The following CSMD2 variants were observed in gnomAD, a reference collection of about 807,000 sequenced individuals.
CSMD2 encodes the protein CUB and Sushi multiple domains 2, also known as CUB and sushi domain-containing protein 2.
In CSMD2, 130 loss-of-function variants were observed where a neutral mutation model predicts 398.5. That is an observed-to-expected ratio of 0.33 (90% confidence interval 0.28 to 0.38). The LOEUF is 0.38. CSMD2 is among the 10% of genes least tolerant of loss of function. The pLI, the probability that CSMD2 is intolerant of heterozygous loss-of-function variation, is 1.00. For synonymous variants in CSMD2, 1,828 were observed against 1,908.5 expected (o/e 0.96, Z 1.10); for missense variants, 3,829 against 4,764.9 (o/e 0.80, Z 5.78).
At chr1:33,870,898 A>G (rs976864069) in intron 5 of CSMD2, 3 of 152,156 alleles carry the variant, frequency 2.0e-5, no homozygotes, top group Non-Finnish European at 2.9e-5. Context: ...AAGCTGCCCT[A>G]TGGAGAGGCT....
At chr1:33,611,869 C>A (rs1258059507) in intron 40 of CSMD2, among the ~76,000 whole-genome samples, 1 of 152,080 alleles carries the variant, frequency 6.6e-6, no homozygotes, top group Admixed American at 6.5e-5. Context: ...AAGGTGGGAA[C>A]ATTTATGTTT....
intron 44 of CSMD2, 90 bp downstream of exon 44, chr1:33,600,775 A>T: frequency 7.3e-7 from 1 of 1,370,618 alleles, no homozygotes; most frequent in Non-Finnish European, 1.0e-6. Context: ...ACTCAAGGTC[A>T]CATGATCCGC....
intron 5 of CSMD2, among the ~76,000 whole-genome samples, chr1:33,878,845 G>T (rs1016282594): frequency 6.6e-6 from 1 of 152,236 alleles, no homozygotes; most frequent in Admixed American, 6.5e-5. Context: ...TGGGGAGGGG[G>T]ACAGGGTGCT....
At chr1:33,551,620 T>C (rs934683771) in intron 55 of CSMD2, among the ~76,000 whole-genome samples, 25 of 152,232 alleles carry the variant, frequency 1.6e-4, no homozygotes, top group African/African-American at 6.0e-4. Context: ...GTCTTAGGTA[T>C]CTTCACTTCT....
chr1:34,108,103 T>A (rs903863031), intron 1 of CSMD2, among the ~76,000 whole-genome samples: 2 of 152,230 alleles, frequency 1.3e-5, no homozygotes, highest in African/African-American at 4.8e-5. Context: ...TTCTTTTTTC[T>A]TTTCATTTGT....
At chr1:34,155,217 T>C (rs952008769) in intron 1 of CSMD2, among the ~76,000 whole-genome samples, 1 of 152,196 alleles carries the variant, frequency 6.6e-6, no homozygotes, top group Non-Finnish European at 1.5e-5. Context: ...GTTACCCACC[T>C]GAGACTTGGT....
At chr1:33,851,041 G>T (rs2125089307) in intron 5 of CSMD2, among the ~76,000 whole-genome samples, 1 of 152,302 alleles carries the variant, frequency 6.6e-6, no homozygotes, top group Admixed American at 6.5e-5. Context: ...GCAAGGAATT[G>T]CTGCCTAATT....
At chr1:33,815,853 A>T (rs1419043077) in intron 9 of CSMD2, among the ~76,000 whole-genome samples, 2 of 152,244 alleles carry the variant, frequency 1.3e-5, no homozygotes, top group Non-Finnish European at 2.9e-5. Flanking sequence ...GTACTCTAGT[A>T]CAATCAGTAT....
chr1:33,718,930 T>C (rs368484309), intron 19 of CSMD2, among the ~76,000 whole-genome samples: 1 of 152,318 alleles, frequency 6.6e-6, no homozygotes, highest in African/African-American at 2.4e-5. Flanking sequence ...AGCTTGTAAA[T>C]ACCCTGTTCC....
At chr1:34,061,488 C>T (rs190631019) in intron 2 of CSMD2, among the ~76,000 whole-genome samples, 35 of 151,976 alleles carry the variant, frequency 2.3e-4, no homozygotes, top group Non-Finnish European at 3.4e-4. Flanking sequence ...CACTGCTTCT[C>T]TGCTATCTGT....
intron 15 of CSMD2, among the ~76,000 whole-genome samples, chr1:33,729,630 C>G (rs924713492): frequency 6.6e-6 from 1 of 151,188 alleles, no homozygotes; most frequent in African/African-American, 2.4e-5. Context: ...TCCCTCCCCC[C>G]TCCCCCCACC....
intron 3 of CSMD2, among the ~76,000 whole-genome samples, chr1:34,013,905 A>T (rs1323058232): frequency 2.0e-5 from 3 of 152,016 alleles, no homozygotes; most frequent in Admixed American, 1.3e-4. Flanking sequence ...AGTTCCTCCC[A>T]TATTCCTGGC....
At chr1:33,561,485 T>C (rs568179452) in intron 53 of CSMD2, among the ~76,000 whole-genome samples, 1 of 152,330 alleles carries the variant, frequency 6.6e-6, no homozygotes, top group East Asian at 1.9e-4. Flanking sequence ...CATAATTATT[T>C]ATAATCAAAT....
chr1:33,635,815 T>G lies in CSMD2; in HGVS notation c.4970-485A>C, dbSNP rs1642763971. On this transcript the variant is annotated intron_variant, in intron 30 of 70. Coordinates refer to ENST00000373381, the MANE Select transcript of CSMD2 (RefSeq NM_001281956.2). This position sits in a 1 kb window ranked among gnomAD's most constrained non-coding sequence, Gnocchi z 5.0. ...CTGTTCCTCTCCAAGGTGCCCAATT[T>G]CCACAAGGGGCGGGTCTGAGCCTGC... Among the ~76,000 whole-genome samples the G allele has an allele frequency of 6.6e-6, 1 of 152,008 alleles. No individual in the cohort carries two copies. The highest frequency in any genetic ancestry group is 6.5e-5 in the Admixed American group (1 of 15,276).
In CSMD2 at chr1:34,164,216, C is replaced by A. The variant is rs1295891044; in HGVS notation, c.187+695G>T. Among the ~76,000 whole-genome samples, 1 of 152,084 alleles carries A rather than the reference C, an allele frequency of 6.6e-6. No homozygotes were observed. Among genetic ancestry groups the A allele is most frequent in the Non-Finnish European group, 1.5e-5 (1 of 67,988 alleles). The stretch of plus-strand genomic sequence containing the variant: ...CCGCCTCGGGCTACAACCCCCACCC[C>A]CTCCTTCCCATCCCTCAACACCCTC... On this transcript the variant is annotated intron_variant, in intron 1 of 70. Transcript: ENST00000373381. This position sits in a 1 kb window ranked among gnomAD's most constrained non-coding sequence, Gnocchi z 6.2.
chr1:33,863,703 T>C (rs975157448), intron 5 of CSMD2: 1 of 157,504 alleles, frequency 6.3e-6, no homozygotes, highest in Non-Finnish European at 1.4e-5. Context: ...ATGTTCATTA[T>C]GCTCAGCCTG....
chr1:33,581,529 C>CAAAAAAAAAAAAAAATAAAAAAAA (rs1638716376), intron 47 of CSMD2, among the ~76,000 whole-genome samples: 1 of 36,876 alleles, frequency 2.7e-5, no homozygotes, highest in African/African-American at 1.0e-4. Context: ...GACTCAGTCT[C>CAAAAAAAAAAAAAAATAAAAAAAA]AAAAAAAAAA....
chr1:33,829,321 A>G (rs1158617327), intron 6 of CSMD2, among the ~76,000 whole-genome samples: 2 of 152,222 alleles, frequency 1.3e-5, no homozygotes, highest in Non-Finnish European at 2.9e-5. Context: ...GGCAAGATCC[A>G]CATCACCAGG....
intron 6 of CSMD2, among the ~76,000 whole-genome samples, chr1:33,831,773 C>A (rs12128921): frequency 6.6e-6 from 1 of 151,502 alleles, no homozygotes; most frequent in Non-Finnish European, 1.5e-5. Flanking sequence ...ACCCATCTCA[C>A]GTGCAGAGAC....
Sources: gnomAD v4.1 joint callset for allele counts (sites outside exome capture counted in the v4.1 genomes callset) on GRCh38, gnomAD v4.1.1 for gene constraint, Gnocchi (gnomAD v3.1) non-coding constraint, MANE v1.5 for transcripts, NCBI Gene and HGNC (gene_info 2026-07-23, HGNC 2026-07-21) for gene names.